Variants in PTPRT observed in about 807,000 individuals in gnomAD.
The protein encoded by PTPRT is receptor-type tyrosine-protein phosphatase T.
A neutral mutation model predicts 176.8 loss-of-function variants in PTPRT; 56 were observed. The observed-to-expected ratio is 0.32, with a 90% CI of 0.26 to 0.40. The LOEUF (loss-of-function observed/expected upper bound fraction) is 0.40. Among genes scored for constraint, PTPRT ranks in the 10% least tolerant of loss-of-function variants. The probability of loss-of-function intolerance (pLI) is 1.00; values close to 1 mark genes in which losing one functional copy is unlikely to be tolerated. For missense variants in PTPRT, 1,540 were observed against 1,908.2 expected (o/e 0.81, Z 3.60); for synonymous variants, 783 against 739.0 (o/e 1.06, Z -0.96).
intron 6 of PTPRT, among the ~76,000 whole-genome samples, chr20:42,733,270 C>T (rs1042177390): frequency 6.6e-6 from 1 of 152,158 alleles, no homozygotes; most frequent in African/African-American, 2.4e-5. Context: ...GGAGCAAATC[C>T]TTGGGTTTAT....
chr20:42,754,330 C>T (rs2076800775), intron 6 of PTPRT, among the ~76,000 whole-genome samples: 1 of 152,180 alleles, frequency 6.6e-6, no homozygotes, highest in African/African-American at 2.4e-5. Context: ...GGACTAGAGG[C>T]ACGAGCCACC....
At chr20:42,502,686 C>G (rs966304283) in intron 7 of PTPRT, among the ~76,000 whole-genome samples, 3 of 152,010 alleles carry the variant, frequency 2.0e-5, no homozygotes, top group Non-Finnish European at 4.4e-5. Context: ...ATTTACTCAT[C>G]AATTCTCCAG....
chr20:42,148,331 C>T (rs1392004695), intron 17 of PTPRT, among the ~76,000 whole-genome samples: 2 of 149,876 alleles, frequency 1.3e-5, no homozygotes. Flanking sequence ...AGAGCTGCGC[C>T]GTGGTATTTA....
At chr20:43,050,134 A>C (rs541842881) in intron 1 of PTPRT, among the ~76,000 whole-genome samples, 58 of 152,254 alleles carry the variant, frequency 3.8e-4, no homozygotes, top group African/African-American at 1.3e-3. Flanking sequence ...CAGGTTACCA[A>C]GGAAGGGAAC....
intron 1 of PTPRT, among the ~76,000 whole-genome samples, chr20:43,053,927 A>T (rs1987141451): frequency 6.6e-6 from 1 of 152,228 alleles, no homozygotes; most frequent in African/African-American, 2.4e-5. Flanking sequence ...TAACTTAGGC[A>T]CCTATTTATC....
intron 2 of PTPRT, among the ~76,000 whole-genome samples, chr20:42,804,867 A>G (rs1044494601): frequency 2.0e-5 from 3 of 152,176 alleles, no homozygotes; most frequent in Admixed American, 6.5e-5. Flanking sequence ...CACCAGTCAC[A>G]TCGAATTCAG....
chr20:42,621,185 G>C (rs2074189329), intron 7 of PTPRT, among the ~76,000 whole-genome samples: 1 of 152,102 alleles, frequency 6.6e-6, no homozygotes, highest in African/African-American at 2.4e-5. Context: ...CTGTCCTAAA[G>C]CAAGGTGCAT....
chr20:42,582,478 C>G (rs959945139), intron 7 of PTPRT, among the ~76,000 whole-genome samples: 2 of 152,150 alleles, frequency 1.3e-5, no homozygotes, highest in Non-Finnish European at 2.9e-5. Flanking sequence ...TAGTTGTGCA[C>G]AAAACCACAG....
intron 9 of PTPRT, among the ~76,000 whole-genome samples, chr20:42,424,492 G>A (rs1422430018): frequency 6.6e-6 from 1 of 152,154 alleles, no homozygotes; most frequent in Non-Finnish European, 1.5e-5. Context: ...ACTTGTCTGA[G>A]GGGGCTCGCT....
intron 1 of PTPRT, among the ~76,000 whole-genome samples, chr20:43,126,740 T>C (rs1281639910): frequency 1.3e-5 from 2 of 152,162 alleles, no homozygotes; most frequent in Non-Finnish European, 2.9e-5. Context: ...AGCCCCAATA[T>C]CCCTTTCAGT....
chr20:42,264,094 G>A (rs2146973796), intron 13 of PTPRT, among the ~76,000 whole-genome samples: 1 of 152,272 alleles, frequency 6.6e-6, no homozygotes, highest in Non-Finnish European at 1.5e-5. Context: ...CTGAATCTGA[G>A]TTTAATGGCA....
intron 7 of PTPRT, among the ~76,000 whole-genome samples, chr20:42,526,924 G>T (rs538667655): frequency 7.0e-6 from 1 of 142,408 alleles, no homozygotes; most frequent in African/African-American, 2.6e-5. Context: ...CTACTCTACC[G>T]TTCTAAGAGA....
chr20:42,890,032 C>A (rs1052760727), intron 1 of PTPRT, among the ~76,000 whole-genome samples: 4 of 152,174 alleles, frequency 2.6e-5, no homozygotes, highest in African/African-American at 9.6e-5. Flanking sequence ...ACAAGAATTT[C>A]TCTGCAGGAA....
Position 43,140,443 on chromosome 20 carries a change from AGTGT to A in PTPRT, c.88+49199_88+49202del, listed in dbSNP as rs6147356. 4.9e-3 allele frequency among the ~76,000 whole-genome samples: 726 copies of A among 146,930 alleles called. 7 individuals are homozygous for A. The highest frequency in any genetic ancestry group is 0.018 in the African/African-American group (691 of 38,870). Reference sequence around the variant, plus strand: ...GACAAGAGTTAGCAAACCTCTGGGTAGTGTGTGTGTGTGTGTGTGTGTGTGTGTG... The same window carrying A: ...GACAAGAGTTAGCAAACCTCTGGGTAGTGTGTGTGTGTGTGTGTGTGTGTG... On this transcript the variant is annotated intron_variant, in intron 1 of 30. Transcript: ENST00000373187.
At chr20:42,895,845 T>C (rs1014795973) in intron 1 of PTPRT, among the ~76,000 whole-genome samples, 8 of 152,224 alleles carry the variant, frequency 5.3e-5, no homozygotes, top group Non-Finnish European at 8.8e-5. Flanking sequence ...AGGCTATAGC[T>C]GGCTGACTTC....
chr20:42,945,782 A>G (rs772954000), intron 1 of PTPRT, among the ~76,000 whole-genome samples: 3 of 152,010 alleles, frequency 2.0e-5, no homozygotes, highest in Non-Finnish European at 4.4e-5. Context: ...GGCATTTGGT[A>G]CATTCACAAT....
At chr20:42,808,967 C>A in intron 2 of PTPRT, among the ~76,000 whole-genome samples, 1 of 152,176 alleles carries the variant, frequency 6.6e-6, no homozygotes, top group East Asian at 1.9e-4. Flanking sequence ...TCAGATCTCT[C>A]ATCAGTGGGA....
intron 1 of PTPRT, among the ~76,000 whole-genome samples, chr20:43,179,723 CT>C (rs1274021644): frequency 6.6e-6 from 1 of 152,222 alleles, no homozygotes; most frequent in Non-Finnish European, 1.5e-5. Flanking sequence ...TGACACTGAA[CT>C]GGCATTAGTG....
At chr20:42,324,392 T>C (rs1007498493) in intron 11 of PTPRT, among the ~76,000 whole-genome samples, 2 of 152,188 alleles carry the variant, frequency 1.3e-5, no homozygotes, top group Non-Finnish European at 1.5e-5. Flanking sequence ...CAATTGTACA[T>C]GGGCATAGGG....
Sources: gnomAD v4.1 joint callset for allele counts (sites outside exome capture counted in the v4.1 genomes callset) on GRCh38, gnomAD v4.1.1 for gene constraint, MANE v1.5 for transcripts, NCBI Gene and HGNC (gene_info 2026-07-23, HGNC 2026-07-21) for gene names.